UROC1: variants seen among roughly 807,000 people sequenced by gnomAD.
The protein encoded by UROC1 is urocanate hydratase 1.
Under a neutral mutation model 89.5 loss-of-function variants are expected in UROC1, and 79 were observed. The observed-to-expected ratio is 0.88, with a 90% confidence interval of 0.74 to 1.06. The LOEUF (loss-of-function observed/expected upper bound fraction) is 1.06, where lower values mean the gene tolerates loss of function less well. Ranked by LOEUF, UROC1 falls within the 50% of genes least tolerant of loss-of-function variation. The pLI is 0.00. For synonymous variants in UROC1, 361 were observed against 354.8 expected (o/e 1.02, Z -0.20); for missense variants, 885 against 907.8 (o/e 0.97, Z 0.32).
At chr3:126,490,136 G>A (rs1307803182) in intron 16 of UROC1, among the ~76,000 whole-genome samples, 11 of 152,206 alleles carry the variant, frequency 7.2e-5, no homozygotes, top group African/African-American at 9.7e-5. Flanking sequence ...GAGCCTTTTC[G>A]TGCTGCCAGT....
At position 126,499,413 on chromosome 3, in the gene UROC1, T is replaced by C. The variant is rs1441025518; in HGVS notation, c.1244-4A>G. On this transcript the variant is annotated splice_polypyrimidine_tract_variant and splice_region_variant and intron_variant, in intron 12 of 19. Transcript: ENST00000290868. ...CCTTTCTTCTCCACATCCGCTCCTG[T>C]GGGCAGAGCCCGGACAGTCACCACC... 2.5e-6 allele frequency: 4 copies of C among 1,611,146 alleles called. No homozygotes were observed. The African/African-American group carries it at 5.4e-5, about 22-fold the overall frequency.
intron 18 of UROC1, among the ~76,000 whole-genome samples, chr3:126,484,078 T>C (rs1560114099): frequency 6.6e-6 from 1 of 152,178 alleles, no homozygotes; most frequent in Non-Finnish European, 1.5e-5. Flanking sequence ...CTCAAGTGTA[T>C]GGGGGGTCCT....
intron 8 of UROC1, 147 bp from the exon 9 acceptor site, chr3:126,504,230 T>A: frequency 1.3e-6 from 1 of 771,468 alleles, no homozygotes; most frequent in Non-Finnish European, 2.2e-6. Flanking sequence ...CACCATGAGC[T>A]GCCCTCCCTC....
chr3:126,505,903 C>T, intron 7 of UROC1, 42 bp downstream of exon 7: 1 of 1,612,444 alleles, frequency 6.2e-7, no homozygotes, highest in Non-Finnish European at 8.5e-7. Context: ...CTCCACCCCC[C>T]ATGCTGGGAA....
intron 9 of UROC1, among the ~76,000 whole-genome samples, chr3:126,502,349 G>A (rs1935947129): frequency 6.6e-6 from 1 of 150,418 alleles, no homozygotes; most frequent in Admixed American, 6.6e-5. Context: ...GCGTTTGTGT[G>A]TTTGTGTTAC....
intron 2 of UROC1, 119 bp downstream of exon 2, chr3:126,510,544 TG>T: frequency 6.7e-7 from 1 of 1,494,004 alleles, no homozygotes; most frequent in African/African-American, 1.4e-5. Flanking sequence ...CCTCCTGGTC[TG>T]GACAGACTGG....
chr3:126,482,727 C>T (rs1452854041), intron 19 of UROC1, among the ~76,000 whole-genome samples: 4 of 152,110 alleles, frequency 2.6e-5, no homozygotes, highest in East Asian at 1.9e-4. Flanking sequence ...CAAGAATGGC[C>T]TTGCCTCCTG....
chr3:126,510,597 C>T, intron 2 of UROC1, 67 bp downstream of exon 2: 12 of 1,598,918 alleles, frequency 7.5e-6, no homozygotes, highest in Non-Finnish European at 9.4e-6. Context: ...TCCTGGCCCC[C>T]AGCACAGTCC....
At chr3:126,509,441 A>G (rs1026548149) in intron 3 of UROC1, 144 bp downstream of exon 3, 1 of 772,956 alleles carries the variant, frequency 1.3e-6, no homozygotes, top group African/African-American at 1.7e-5. Context: ...AGCCGAGGGA[A>G]GGGCCAGGGA....
Position 126,510,956 on chromosome 3 carries a change from GTCACCTCC to G in UROC1, c.127-170_127-163del, listed in dbSNP as rs543466320. Among the ~76,000 whole-genome samples the G allele has an allele frequency of 2.5e-3, 382 of 152,234 alleles. 1 individual carries two copies. Among genetic ancestry groups the G allele is most frequent in the Middle Eastern group, 3.4e-3 (1 of 294 alleles). On this transcript the variant is annotated intron_variant, in intron 1 of 19. Transcript: ENST00000290868. ...TTCTCACCCCAGGCCCATCTACAGTGTCACCTCCTGCAGAAAGCCTTCCCTGATCGCCC... is the reference window on the plus strand; with the variant it reads ...TTCTCACCCCAGGCCCATCTACAGTGTGCAGAAAGCCTTCCCTGATCGCCC...
At chr3:126,515,069 A>C (rs1054450145) in intron 1 of UROC1, among the ~76,000 whole-genome samples, 1 of 152,054 alleles carries the variant, frequency 6.6e-6, no homozygotes, top group African/African-American at 2.4e-5. Context: ...ACATTCAAGC[A>C]AAGGACATAA....
intron 16 of UROC1, among the ~76,000 whole-genome samples, 172 bp downstream of exon 16, chr3:126,492,246 G>T (rs780084507): frequency 6.6e-6 from 1 of 152,230 alleles, no homozygotes; most frequent in South Asian, 2.1e-4. Context: ...CTAAGCTCCC[G>T]GGAGGGGCTG....
intron 9 of UROC1, 35 bp downstream of exon 9, chr3:126,503,960 G>A (rs1380510779): frequency 8.1e-6 from 13 of 1,611,954 alleles, no homozygotes; most frequent in Non-Finnish European, 1.1e-5. Context: ...CACGTGTCAG[G>A]TGTCAGGTGT....
chr3:126,508,792 C>T (rs1314278301), intron 3 of UROC1, among the ~76,000 whole-genome samples: 2 of 152,038 alleles, frequency 1.3e-5, no homozygotes, highest in Non-Finnish European at 2.9e-5. Context: ...ACCTACTAGG[C>T]GAAGTGGTCA....
At chr3:126,499,988 G>A (rs1935877026) in intron 12 of UROC1, 69 bp downstream of exon 12, 1 of 1,466,796 alleles carries the variant, frequency 6.8e-7, no homozygotes, top group Admixed American at 1.7e-5. Context: ...GGGAGCCAGT[G>A]GCACTGGCCT....
chr3:126,491,477 C>T (rs1269891742), intron 16 of UROC1, among the ~76,000 whole-genome samples: 2 of 152,260 alleles, frequency 1.3e-5, no homozygotes, highest in East Asian at 3.8e-4. Flanking sequence ...TCCTAGCAGT[C>T]CCCGGGAACA....
chr3:126,483,013 G>A lies in UROC1; in HGVS notation c.1890+356C>T, dbSNP rs537821800. Among the ~76,000 whole-genome samples the A allele has an allele frequency of 5.9e-5, 9 of 152,174 alleles. No individual in the cohort carries two copies. The East Asian group carries it at 7.7e-4, about 13-fold the overall frequency. ...GATGAAGACCTCCATCCCCAGCTCCGCCAGAAGCCCTGCAGCTCCCGGTGA... is the reference window on the plus strand; with the variant it reads ...GATGAAGACCTCCATCCCCAGCTCCACCAGAAGCCCTGCAGCTCCCGGTGA... On this transcript the variant is annotated intron_variant, in intron 19 of 19. Transcript: ENST00000290868.
At chr3:126,492,606 T>G (rs960421808) in intron 15 of UROC1, 90 bp from the exon 16 acceptor site, 11 of 1,017,106 alleles carry the variant, frequency 1.1e-5, no homozygotes, top group Middle Eastern at 2.0e-4. Flanking sequence ...GCACTTCCAC[T>G]GTGGGACATG....
At chr3:126,483,494 T>G in intron 18 of UROC1, 26 bp from the exon 19 acceptor site, 1 of 1,604,406 alleles carries the variant, frequency 6.2e-7, no homozygotes, top group Non-Finnish European at 8.5e-7. Context: ...GAGTTTCCAG[T>G]TCATTCCTGG....
Sources: gnomAD v4.1 joint callset for allele counts (sites outside exome capture counted in the v4.1 genomes callset) on GRCh38, gnomAD v4.1.1 for gene constraint, MANE v1.5 for transcripts, NCBI Gene and HGNC (gene_info 2026-07-23, HGNC 2026-07-21) for gene names.